FBXO27: variants seen among roughly 807,000 people sequenced by gnomAD.
FBXO27 encodes the protein F-box protein 27.
In FBXO27, 28 loss-of-function variants were observed where a neutral mutation model predicts 28.3. That is an observed-to-expected ratio of 0.99 (90% confidence interval 0.73 to 1.36). The LOEUF (loss-of-function observed/expected upper bound fraction) is 1.36. Among genes scored for constraint, FBXO27 ranks in the 40% most tolerant of loss-of-function variants. The pLI is 0.00. For missense variants in FBXO27, 388 were observed against 394.1 expected, an observed-to-expected ratio of 0.98 and a Z score of 0.13; for synonymous variants, 175 against 167.3, an observed-to-expected ratio of 1.05 and a Z score of -0.36.
At chr19:39,010,442 C>G (rs2072789351) in intron 2 of FBXO27, among the ~76,000 whole-genome samples, 1 of 152,110 alleles carries the variant, frequency 6.6e-6, no homozygotes, top group Non-Finnish European at 1.5e-5. Context: ...TTTCTGGACT[C>G]TCGATTCTAT....
intron 4 of FBXO27, among the ~76,000 whole-genome samples, chr19:39,029,999 G>A (rs1456633842): frequency 3.9e-5 from 6 of 152,092 alleles, no homozygotes; most frequent in African/African-American, 9.7e-5. Flanking sequence ...TTACCATGAC[G>A]CCCAGCTAAT....
downstream of FBXO27, among the ~76,000 whole-genome samples, chr19:39,020,422 A>G (rs370090494): frequency 6.6e-6 from 1 of 151,986 alleles, no homozygotes; most frequent in East Asian, 1.9e-4. Flanking sequence ...GAATGCAACA[A>G]TGAAGGTGCC....
chr19:39,020,232 A>G (rs1400539500), downstream of FBXO27, among the ~76,000 whole-genome samples: 2 of 152,134 alleles, frequency 1.3e-5, no homozygotes, highest in East Asian at 3.9e-4. Flanking sequence ...GAAAACTGCT[A>G]ACCTCCAAGA....
Position 39,025,462 on chromosome 19 carries a change from A to G in FBXO27, c.801T>C (p.Tyr267=). 1 of 1,614,160 alleles carries G rather than the reference A, an allele frequency of 6.2e-7. No homozygotes were observed. The highest frequency in any genetic ancestry group is 8.5e-7 in the Non-Finnish European group (1 of 1,180,022). Residue 267 remains tyrosine, a synonymous_variant, in exon 6 of 6, where the codon TAT becomes TAC. Coordinates refer to ENST00000292853, the MANE Select transcript of FBXO27 (RefSeq NM_178820.5). ...GQDTQFWAGH[Y]GARVTNSSVI... is the part of the protein sequence containing the mutation. ...CACTGGAGTTGGTCACACGGGCTCC[A>G]TAGTGGCCAGCCCAGAACTGTGTGT...
At position 39,031,857 on chromosome 19, in the gene FBXO27, A is replaced by G; in HGVS notation, c.364+7T>C. On this transcript the variant is annotated splice_region_variant and intron_variant, in intron 2 of 5. Coordinates refer to ENST00000292853, the MANE Select transcript of FBXO27 (RefSeq NM_178820.5). ...AGCATCCTGGACTTCCTCTTCCGAGATCCCACCTTGGCCGCAGGGGTTGCG... is the reference window on the plus strand; with the variant it reads ...AGCATCCTGGACTTCCTCTTCCGAGGTCCCACCTTGGCCGCAGGGGTTGCG... 3 of 1,471,376 alleles carry G rather than the reference A, an allele frequency of 2.0e-6. No individual in the cohort carries two copies. Among genetic ancestry groups the G allele is most frequent in the African/African-American group, 1.5e-5 (1 of 68,186 alleles). The allele number at this position is 1,471,376 out of a possible 1,614,324, so 91.1% of individuals were successfully genotyped here.
chr19:39,015,991 G>C (rs1392274548), intron 1 of FBXO27, among the ~76,000 whole-genome samples: 1 of 152,120 alleles, frequency 6.6e-6, no homozygotes, highest in East Asian at 1.9e-4. Context: ...AGCATCTCTC[G>C]AACCCGGGAG....
intron 2 of FBXO27, 85 bp downstream of exon 2, chr19:39,031,779 G>A (rs636534): frequency 1.4e-5 from 18 of 1,297,456 alleles, no homozygotes; most frequent in Non-Finnish European, 1.8e-5. Context: ...CCCTAGTACC[G>A]GTCCCAGTGC....
rs949230056 is a variant in FBXO27 at position 39,016,479 on chromosome 19, C to T, written c.92-1932G>A. Among the ~76,000 whole-genome samples the T allele has an allele frequency of 3.2e-4, 48 of 149,704 alleles. 1 individual carries two copies. Among genetic ancestry groups the T allele is most frequent in the East Asian group, 2.0e-4 (1 of 5,012 alleles). ...CTAAAAATAAAGTCTAGGCTGGGCG[C>T]GGTGGCTCACGCCTGTAATCCTAGC... On this transcript the variant is annotated intron_variant, in intron 1 of 2. Transcript: ENST00000598394.
At chr19:39,016,442 C>T (rs548466655) in intron 1 of FBXO27, among the ~76,000 whole-genome samples, 2 of 151,660 alleles carry the variant, frequency 1.3e-5, no homozygotes, top group Non-Finnish European at 2.9e-5. Context: ...TTGCTGTGAA[C>T]CTAAAACTGC....
intron 2 of FBXO27, among the ~76,000 whole-genome samples, chr19:39,013,918 C>T (rs2072807636): frequency 6.6e-6 from 1 of 152,068 alleles, no homozygotes; most frequent in African/African-American, 2.4e-5. Context: ...GAGGCTGAGG[C>T]AGGAGAATGG....
chr19:39,006,221 A>G (rs1321807709), intron 2 of FBXO27, among the ~76,000 whole-genome samples: 2 of 152,148 alleles, frequency 1.3e-5, no homozygotes, highest in African/African-American at 4.8e-5. Context: ...CAGGAGTTCA[A>G]GACCAGCCTG....
At chr19:39,028,816 T>C (rs1156608791) in intron 4 of FBXO27, among the ~76,000 whole-genome samples, 1 of 152,096 alleles carries the variant, frequency 6.6e-6, no homozygotes, top group Non-Finnish European at 1.5e-5. Context: ...TGAGCTGAGA[T>C]TGTGCCATTG....
intron 5 of FBXO27, among the ~76,000 whole-genome samples, chr19:39,026,261 G>A (rs2072872382): frequency 2.0e-5 from 3 of 152,132 alleles, no homozygotes; most frequent in Admixed American, 1.3e-4. Context: ...CCCAAGCAGA[G>A]AGATCCCATG....
Position 39,024,343 on chromosome 19 carries a change from C to T in FBXO27, c.*1068G>A, listed in dbSNP as rs965966132. The T allele has an allele frequency of 6.6e-6, 1 of 152,100 alleles. No individual in the cohort carries two copies. Among genetic ancestry groups the T allele is most frequent in the African/African-American group, 2.4e-5 (1 of 41,322 alleles). The allele number at this position is 152,100 out of a possible 1,614,324, so 9.4% of individuals were successfully genotyped here. On this transcript the variant is annotated 3_prime_UTR_variant, in exon 6 of 6. Coordinates refer to ENST00000292853, the MANE Select transcript of FBXO27 (RefSeq NM_178820.5). ...GGCACAAATGATCCTCCCACTTCAG[C>T]CTCCCAAGTAGCTTGGACTACAGGT... is the stretch of plus-strand genomic sequence containing the variant.
chr19:39,023,215 C>T (rs1017919406), downstream of FBXO27, among the ~76,000 whole-genome samples: 1 of 152,138 alleles, frequency 6.6e-6, no homozygotes, highest in Non-Finnish European at 1.5e-5. Context: ...GGATTACAGG[C>T]GTGAGGCACC....
chr19:39,028,760 G>A (rs577325873), intron 4 of FBXO27, among the ~76,000 whole-genome samples: 3 of 152,224 alleles, frequency 2.0e-5, no homozygotes, highest in Admixed American at 2.0e-4. Flanking sequence ...CTACTGGGGA[G>A]GCTGAGGCAG....
chr19:39,031,820 C>T (rs1408441635), intron 2 of FBXO27, 44 bp downstream of exon 2: 2 of 1,439,356 alleles, frequency 1.4e-6, no homozygotes, highest in Non-Finnish European at 1.8e-6. Flanking sequence ...GCTACCGCTC[C>T]CACTGTGGCC....
chr19:39,025,619 G>A (rs2072869011), intron 5 of FBXO27, 65 bp from the exon 6 acceptor site: 2 of 1,529,800 alleles, frequency 1.3e-6, no homozygotes, highest in Non-Finnish European at 1.8e-6. Flanking sequence ...TGAGGTTAGG[G>A]CCTTCTGGAA....
At chr19:39,023,733 C>T (rs1568459433), downstream of FBXO27, among the ~76,000 whole-genome samples, 1 of 152,130 alleles carries the variant, frequency 6.6e-6, no homozygotes, top group Non-Finnish European at 1.5e-5. Context: ...CCTACCTCAG[C>T]CTCCCGAGTA....
Sources: allele counts gnomAD v4.1 joint callset (sites outside exome capture counted in the v4.1 genomes callset), GRCh38; gene constraint gnomAD v4.1.1; transcripts MANE v1.5; gene names NCBI Gene and HGNC (gene_info 2026-07-23, HGNC 2026-07-21).